Variants in GEMIN5 observed in about 807,000 individuals in gnomAD.
GEMIN5 encodes the protein gem-associated protein 5.
GEMIN5 carries 124 observed loss-of-function variants against 176.9 expected under a neutral mutation model. The observed-to-expected ratio is 0.70, with a 90% CI of 0.61 to 0.81. The LOEUF is 0.81. Ranked by LOEUF, GEMIN5 falls within the 40% of genes least tolerant of loss-of-function variation. The pLI, the probability that GEMIN5 is intolerant of heterozygous loss-of-function variation, is 0.00. For synonymous variants in GEMIN5, 673 were observed against 665.2 expected, an observed-to-expected ratio of 1.01 and a Z score of -0.18; for missense variants, 1,843 against 1,814.6, an observed-to-expected ratio of 1.02 and a Z score of -0.28.
chr5:154,929,245 C>T (rs778261922), intron 5 of GEMIN5, among the ~76,000 whole-genome samples: 2 of 152,022 alleles, frequency 1.3e-5, no homozygotes, highest in African/African-American at 2.4e-5. Context: ...AGTATTTTTT[C>T]GTCTGGGAAA....
At chr5:154,888,798 A>G (rs1268940829) in intron 27 of GEMIN5, among the ~76,000 whole-genome samples, 1 of 152,174 alleles carries the variant, frequency 6.6e-6, no homozygotes, top group Non-Finnish European at 1.5e-5. Flanking sequence ...GTGATCGATA[A>G]TTCTAGTCTC....
chr5:154,919,933 A>C, intron 11 of GEMIN5, 34 bp downstream of exon 11: 1 of 1,600,422 alleles, frequency 6.2e-7, no homozygotes, highest in Non-Finnish European at 8.5e-7. Flanking sequence ...TCTGTGATGT[A>C]AAAAGAAAAT....
chr5:154,908,225 G>A (rs368518901), intron 15 of GEMIN5, among the ~76,000 whole-genome samples: 117 of 119,838 alleles, frequency 9.8e-4, no homozygotes, highest in Admixed American at 3.3e-3. Context: ...TTCTTGCCCC[G>A]GCGGGAGTGC....
At position 154,891,427 on chromosome 5, in the gene GEMIN5, A is replaced by G; in HGVS notation, c.4076T>C (p.Leu1359Pro). Residue 1359 changes from leucine to proline, a missense_variant, in exon 26 of 28, where the codon CTC becomes CCC. Leu to Pro is a moderately conservative substitution (Grantham distance 98, BLOSUM62 -3). Transcript: ENST00000285873. ...GAGACTGGCATGCTTTTCTGAAAAG[A>G]GCTCCTTAAAAGTACTCAGCATTCG... The part of the protein sequence containing the change: ...GERMLSTFKE[L>P]FSEKHASLQN... 6.2e-7 allele frequency: 1 copy of G among 1,614,106 alleles called. No homozygotes were observed.
intron 16 of GEMIN5, 92 bp downstream of exon 16, chr5:154,907,499 G>GA (rs1763591588): frequency 1.2e-6 from 1 of 809,396 alleles, no homozygotes; most frequent in Admixed American, 2.6e-5. Flanking sequence ...GGAAAAATGG[G>GA]AACAGCGAAG....
chr5:154,920,239 ATAAAATCAC>A, intron 10 of GEMIN5, 136 bp from the exon 11 acceptor site: 2 of 568,060 alleles, frequency 3.5e-6, no homozygotes, highest in Non-Finnish European at 2.9e-6. Flanking sequence ...ATACATTGGA[ATAAAATCAC>A]TGTTCTTTCC....
At chr5:154,910,465 G>A (rs2113480805) in intron 15 of GEMIN5, among the ~76,000 whole-genome samples, 1 of 152,058 alleles carries the variant, frequency 6.6e-6, no homozygotes, top group South Asian at 2.1e-4. Flanking sequence ...TTTCCTATTT[G>A]CTTTTATTTT....
intron 13 of GEMIN5, among the ~76,000 whole-genome samples, chr5:154,913,895 G>T (rs1055102870): frequency 1.3e-5 from 2 of 152,174 alleles, no homozygotes. Context: ...CAACTACTCA[G>T]GAGACTGAGG....
At chr5:154,904,133 A>G (rs2113470919) in intron 18 of GEMIN5, among the ~76,000 whole-genome samples, 1 of 152,346 alleles carries the variant, frequency 6.6e-6, no homozygotes, top group East Asian at 1.9e-4. Context: ...CATATTTCCA[A>G]TAAGAAAAAA....
intron 24 of GEMIN5, 36 bp downstream of exon 24, chr5:154,896,056 A>C: frequency 6.2e-7 from 1 of 1,606,196 alleles, no homozygotes; most frequent in Non-Finnish European, 8.5e-7. Flanking sequence ...CTTACCACTG[A>C]GTGATTAATG....
intron 5 of GEMIN5, among the ~76,000 whole-genome samples, chr5:154,928,917 C>T (rs905271844): frequency 1.3e-5 from 2 of 152,036 alleles, no homozygotes; most frequent in Admixed American, 6.5e-5. Flanking sequence ...ACAACCTCAA[C>T]GTATTAAGAG....
intron 9 of GEMIN5, among the ~76,000 whole-genome samples, 175 bp from the exon 10 acceptor site, chr5:154,921,600 TATA>T (rs1330099390): frequency 1.3e-5 from 2 of 152,222 alleles, no homozygotes; most frequent in Admixed American, 6.5e-5. Flanking sequence ...TTAATTATCA[TATA>T]ATATTTACAT....
intron 8 of GEMIN5, among the ~76,000 whole-genome samples, chr5:154,925,547 A>G (rs1014091176): frequency 6.6e-6 from 1 of 152,184 alleles, no homozygotes; most frequent in Admixed American, 6.5e-5. Flanking sequence ...CTACATTATC[A>G]TTTTCAATAA....
chr5:154,920,765 G>C (rs1306064553), intron 10 of GEMIN5, among the ~76,000 whole-genome samples: 1 of 152,158 alleles, frequency 6.6e-6, no homozygotes, highest in Non-Finnish European at 1.5e-5. Flanking sequence ...TTTCATCATA[G>C]ATGGTTAAGA....
chr5:154,937,729 CTT>C (rs1466831682), intron 1 of GEMIN5, among the ~76,000 whole-genome samples: 1 of 152,206 alleles, frequency 6.6e-6, no homozygotes, highest in Non-Finnish European at 1.5e-5. Context: ...ACAAGGCTAA[CTT>C]TTCAGTAAGC....
intron 21 of GEMIN5, among the ~76,000 whole-genome samples, chr5:154,899,806 A>T (rs1476316980): frequency 6.6e-6 from 1 of 152,178 alleles, no homozygotes; most frequent in Admixed American, 6.5e-5. Context: ...ATTCTGTGTG[A>T]CAAATGGGAA....
chr5:154,927,237 T>A (rs185039459), intron 7 of GEMIN5, 148 bp downstream of exon 7: 1 of 510,482 alleles, frequency 2.0e-6, no homozygotes, highest in East Asian at 2.9e-5. Flanking sequence ...GCTATTGATA[T>A]ATTCAGTGCT....
intron 6 of GEMIN5, among the ~76,000 whole-genome samples, chr5:154,928,233 T>C (rs1227191564): frequency 1.3e-5 from 2 of 152,216 alleles, no homozygotes; most frequent in Admixed American, 6.5e-5. Context: ...TTGAAGTGAC[T>C]GAAGCTCAGA....
At chr5:154,896,455 A>G in intron 23 of GEMIN5, 112 bp from the exon 24 acceptor site, 1 of 1,103,264 alleles carries the variant, frequency 9.1e-7, no homozygotes, top group Non-Finnish European at 1.2e-6. Flanking sequence ...CAGCAACCAA[A>G]GCACATTAGT....
Sources: gnomAD v4.1 joint callset for allele counts (sites outside exome capture counted in the v4.1 genomes callset) on GRCh38, gnomAD v4.1.1 for gene constraint, MANE v1.5 for transcripts, NCBI Gene and HGNC (gene_info 2026-07-23, HGNC 2026-07-21) for gene names.